Variants in ASTN1 observed in about 807,000 individuals in gnomAD.
The protein encoded by ASTN1 is astrotactin-1.
Under a neutral mutation model 140.7 loss-of-function variants are expected in ASTN1, and 41 were observed. That is an observed-to-expected ratio of 0.29 (90% CI 0.23 to 0.38). The LOEUF (loss-of-function observed/expected upper bound fraction) is 0.38. ASTN1 is among the 10% of genes least tolerant of loss of function. The pLI, the probability that ASTN1 is intolerant of heterozygous loss-of-function variation, is 1.00. For missense variants in ASTN1, 1,479 were observed against 1,678.8 expected (o/e 0.88, Z 2.08); for synonymous variants, 640 against 652.2 (o/e 0.98, Z 0.29).
intron 8 of ASTN1, among the ~76,000 whole-genome samples, chr1:176,966,807 C>G (rs889342286): frequency 2.6e-5 from 4 of 151,524 alleles, no homozygotes; most frequent in African/African-American, 9.7e-5. Flanking sequence ...TTGTAATTAG[C>G]ATAGGAAGAT....
chr1:177,082,110 C>T (rs6701093), intron 1 of ASTN1, among the ~76,000 whole-genome samples: 69,249 of 151,978 alleles, frequency 0.46, 17,228 homozygotes, highest in Non-Finnish European at 0.57. Context: ...AAAATTTAAA[C>T]GGACCTTTCA....
intron 1 of ASTN1, among the ~76,000 whole-genome samples, chr1:177,140,421 T>C (rs952122875): frequency 6.6e-5 from 10 of 152,314 alleles, no homozygotes; most frequent in African/African-American, 2.2e-4. Flanking sequence ...GATAAGTGAA[T>C]AAAATAATCT....
intron 16 of ASTN1, among the ~76,000 whole-genome samples, chr1:176,902,761 T>C (rs1669823674): frequency 6.6e-6 from 1 of 152,218 alleles, no homozygotes; most frequent in Admixed American, 6.5e-5. Flanking sequence ...AACTTAGCTG[T>C]GACCCCAATT....
chr1:177,137,959 A>C (rs1682277231), intron 1 of ASTN1, among the ~76,000 whole-genome samples: 1 of 152,182 alleles, frequency 6.6e-6, no homozygotes, highest in Non-Finnish European at 1.5e-5. Flanking sequence ...TCAGCACTTA[A>C]AGGAGGGAGA....
intron 8 of ASTN1, among the ~76,000 whole-genome samples, chr1:176,982,752 A>C (rs1334664324): frequency 6.6e-6 from 1 of 152,194 alleles, no homozygotes; most frequent in Non-Finnish European, 1.5e-5. Flanking sequence ...AGAGATTCTA[A>C]TGTGCAGCAT....
At chr1:176,991,404 ACT>A (rs1674153893) in intron 8 of ASTN1, among the ~76,000 whole-genome samples, 1 of 134,372 alleles carries the variant, frequency 7.4e-6, no homozygotes, top group African/African-American at 2.7e-5. Flanking sequence ...CAAACGCTAA[ACT>A]CTGTCTCAAA....
intron 1 of ASTN1, among the ~76,000 whole-genome samples, chr1:177,126,436 C>T (rs538028524): frequency 1.2e-4 from 18 of 152,238 alleles, no homozygotes; most frequent in East Asian, 3.9e-4. Flanking sequence ...AAATGAAATG[C>T]GATACTCTAG....
At chr1:176,882,782 A>C in intron 20 of ASTN1, 77 bp downstream of exon 20, 2 of 1,578,426 alleles carry the variant, frequency 1.3e-6, no homozygotes, top group South Asian at 1.1e-5. Context: ...AAAGGAACTC[A>C]AGTAGCAAGA....
In ASTN1 at chr1:176,934,216, A is replaced by G; in HGVS notation, c.2607T>C (p.Ser869=). 6.2e-7 allele frequency: 1 copy of G among 1,613,994 alleles called. No homozygotes were observed. The highest frequency in any genetic ancestry group is 8.5e-7 in the Non-Finnish European group (1 of 1,179,878). Residue 869 remains serine (S), a synonymous_variant, in exon 16 of 23, where the codon TCT becomes TCC. Coordinates refer to ENST00000361833, the MANE Select transcript of ASTN1 (RefSeq NM_004319.3). ...EAIYGFEESC[S]IWYPNKQVQR... ...GGACCTGCTTGTTTGGGTACCAGAT[A>G]GAACAGGACTCCTCAAAGCCGTAGA...
intron 8 of ASTN1, among the ~76,000 whole-genome samples, chr1:176,983,303 C>A (rs1246799464): frequency 3.9e-5 from 6 of 152,140 alleles, no homozygotes; most frequent in Non-Finnish European, 8.8e-5. Context: ...CTGTCTCCAG[C>A]ACTCCCACTG....
At chr1:177,028,343 C>A (rs1558041719) in intron 5 of ASTN1, among the ~76,000 whole-genome samples, 1 of 152,146 alleles carries the variant, frequency 6.6e-6, no homozygotes. Flanking sequence ...CACATTCTCG[C>A]CTCACAGAAC....
At chr1:177,135,906 A>G (rs991567889) in intron 1 of ASTN1, among the ~76,000 whole-genome samples, 4 of 152,212 alleles carry the variant, frequency 2.6e-5, no homozygotes, top group Admixed American at 2.6e-4. Context: ...GGTGATTCAT[A>G]TGCACATTAA....
At chr1:177,037,311 C>T (rs796690919) in intron 2 of ASTN1, among the ~76,000 whole-genome samples, 2 of 152,094 alleles carry the variant, frequency 1.3e-5, no homozygotes, top group African/African-American at 2.4e-5. Context: ...AAGAGAAAGG[C>T]GAGATGCACA....
chr1:176,954,621 C>T (rs1672324652), intron 11 of ASTN1, among the ~76,000 whole-genome samples: 1 of 152,050 alleles, frequency 6.6e-6, no homozygotes. Flanking sequence ...CCCTATAGGG[C>T]TCACTCAATA....
intron 1 of ASTN1, among the ~76,000 whole-genome samples, chr1:177,137,327 T>C (rs1021361221): frequency 2.3e-4 from 35 of 152,318 alleles, no homozygotes; most frequent in African/African-American, 7.7e-4. Context: ...ACATCTCTTC[T>C]TGAAGAGAAT....
intron 1 of ASTN1, among the ~76,000 whole-genome samples, chr1:177,149,335 TATATATATA>T (rs1682893929): frequency 1.2e-5 from 1 of 81,988 alleles, no homozygotes; most frequent in African/African-American, 6.3e-5. Context: ...ATATAGTAAA[TATATATATA>T]GTATATATAT....
In ASTN1 at chr1:177,132,592, A is replaced by T. The variant is rs570203746; in HGVS notation, c.283+31802T>A. Among the ~76,000 whole-genome samples the T allele has an allele frequency of 3.0e-4, 45 of 152,314 alleles. 1 individual carries two copies. The South Asian group carries it at 9.1e-3, about 31-fold the overall frequency. On this transcript the variant is annotated intron_variant, in intron 1 of 22. Transcript: ENST00000361833. The stretch of plus-strand genomic sequence containing the variant: ...GAACATCCCAAGTCTGGAAGCTGTA[A>T]TCTATAATCTAGAATCCCTCCAAGT...
chr1:177,142,903 AGG>A (rs201792392), intron 1 of ASTN1, among the ~76,000 whole-genome samples: 1 of 135,478 alleles, frequency 7.4e-6, no homozygotes, highest in Admixed American at 6.9e-5. Flanking sequence ...AAAAAAAAAA[AGG>A]GGGGGAGGGG....
chr1:177,112,738 G>A (rs1425995482), intron 1 of ASTN1, among the ~76,000 whole-genome samples: 1 of 152,160 alleles, frequency 6.6e-6, no homozygotes, highest in Non-Finnish European at 1.5e-5. Context: ...CTAATAAGAT[G>A]GCTGAGTTAC....
Sources: allele counts gnomAD v4.1 joint callset (sites outside exome capture counted in the v4.1 genomes callset), GRCh38; gene constraint gnomAD v4.1.1; transcripts MANE v1.5; gene names NCBI Gene and HGNC (gene_info 2026-07-23, HGNC 2026-07-21).